The following MMRN1 variants were observed in gnomAD, a reference collection of about 807,000 sequenced individuals.
MMRN1 encodes the protein multimerin-1.
In MMRN1, 94 loss-of-function variants were observed where a neutral mutation model predicts 100.7. The observed-to-expected ratio is 0.93, with a 90% CI of 0.79 to 1.11. The LOEUF (loss-of-function observed/expected upper bound fraction) is 1.11, where lower values mean the gene tolerates loss of function less well. Among genes scored for constraint, MMRN1 ranks in the 50% least tolerant of loss-of-function variants. MMRN1 has a pLI of 0.00. For missense variants in MMRN1, 1,606 were observed against 1,439.1 expected, an observed-to-expected ratio of 1.12 and a Z score of -1.88; for synonymous variants, 575 against 505.0, an observed-to-expected ratio of 1.14 and a Z score of -1.86.
intron 5 of MMRN1, among the ~76,000 whole-genome samples, chr4:89,933,822 A>T (rs1001908592): frequency 6.6e-6 from 1 of 152,218 alleles, no homozygotes; most frequent in Admixed American, 6.5e-5. Flanking sequence ...GCCAAACCAT[A>T]TTAATTATAT....
intron 5 of MMRN1, among the ~76,000 whole-genome samples, chr4:89,931,131 GTAAAA>G: frequency 6.6e-6 from 1 of 152,044 alleles, no homozygotes; most frequent in Middle Eastern, 3.4e-3. Context: ...TTTATAAAAA[GTAAAA>G]TAAAATATCT....
intron 6 of MMRN1, among the ~76,000 whole-genome samples, chr4:89,938,476 C>A (rs1578498561): frequency 8.1e-6 from 1 of 123,598 alleles, no homozygotes; most frequent in Non-Finnish European, 1.7e-5. Context: ...ATTTTTTAAA[C>A]ATATATATAT....
In MMRN1 at chr4:89,935,133, C is replaced by T. The variant is rs1722565883; in HGVS notation, c.1453C>T (p.Gln485Ter). ...EKPIKELEVKQTHLEGALEQE... is the reference protein window; with the variant it reads ...EKPIKELEVK ...GCCTATTAAAGAACTAGAAGTAAAG[C>T]AGACTCATTTAGAAGGTGCTCTAGA... is the stretch of plus-strand genomic sequence containing the variant. The change falls in exon 6 of 8, where the codon CAG becomes TAG. Residue 485 changes from glutamine to a stop codon, truncating the protein, a stop_gained. Transcript: ENST00000264790. LOFTEE classifies it high-confidence loss of function. 1 of 1,613,442 alleles carries T rather than the reference C, an allele frequency of 6.2e-7. No individual in the cohort carries two copies. Among genetic ancestry groups the T allele is most frequent in the African/African-American group, 1.3e-5 (1 of 74,894 alleles).
chr4:89,934,975 A>C lies in MMRN1; in HGVS notation c.1295A>C (p.Glu432Ala), dbSNP rs753659787. 3 of 1,613,522 alleles carry C rather than the reference A, an allele frequency of 1.9e-6. No individual in the cohort carries two copies. The Admixed American group carries it at 5.0e-5, about 27-fold the overall frequency. ...AGGCAAATAATTCAAAAAGTTAATGAATCTGTGGTTTCAATAGCAGCCCAG... is the reference window on the plus strand; with the variant it reads ...AGGCAAATAATTCAAAAAGTTAATGCATCTGTGGTTTCAATAGCAGCCCAG... Reference protein sequence around the residue: ...STRQIIQKVNESVVSIAAQQK... With the variant: ...STRQIIQKVNASVVSIAAQQK... The change falls in exon 6 of 8, where the codon GAA (glutamate) becomes GCA (alanine). Residue 432 changes from glutamate to alanine, a missense_variant. Glu to Ala is a moderately radical substitution (Grantham distance 107). Transcript: ENST00000264790.
chr4:89,890,598 G>T (rs1354463384), upstream of MMRN1, among the ~76,000 whole-genome samples: 1 of 152,074 alleles, frequency 6.6e-6, no homozygotes, highest in Non-Finnish European at 1.5e-5. Flanking sequence ...TCCAGAAGTG[G>T]AAGTCACTAA....
At position 89,919,430 on chromosome 4, in the gene MMRN1, G is replaced by A. The variant is rs191114566; in HGVS notation, c.851-3738G>A. Among the ~76,000 whole-genome samples the A allele has an allele frequency of 2.0e-5, 3 of 151,660 alleles. 1 individual carries two copies. The highest frequency in any genetic ancestry group is 2.1e-4 in the South Asian group (1 of 4,824). On this transcript the variant is annotated intron_variant, in intron 3 of 7. Coordinates refer to ENST00000264790, the MANE Select transcript of MMRN1 (RefSeq NM_007351.3). ...TGAATGCCATTATGATGAAAAATGA[G>A]TCTAATAATTTTATTTCTATATTAT...
intron 6 of MMRN1, among the ~76,000 whole-genome samples, chr4:89,946,493 A>C (rs1722989523): frequency 6.6e-6 from 1 of 152,342 alleles, no homozygotes; most frequent in South Asian, 2.1e-4. Context: ...TAATAGAAAT[A>C]AATGTAAGAA....
At chr4:89,945,475 T>C (rs938266322) in intron 6 of MMRN1, among the ~76,000 whole-genome samples, 7 of 152,182 alleles carry the variant, frequency 4.6e-5, no homozygotes, top group Non-Finnish European at 8.8e-5. Flanking sequence ...TCCAAATTTT[T>C]GCCAGCACTT....
At chr4:89,903,668 C>T (rs572670757) in intron 1 of MMRN1, among the ~76,000 whole-genome samples, 1 of 151,840 alleles carries the variant, frequency 6.6e-6, no homozygotes, top group Admixed American at 6.6e-5. Flanking sequence ...TCACGACAAT[C>T]GTGTGAGGTA....
rs193102697 is a variant in MMRN1 at position 89,912,034 on chromosome 4, G to A, written c.834G>A (p.Pro278=). 4.7e-5 allele frequency: 75 copies of A among 1,593,986 alleles called. No individual in the cohort carries two copies. Among genetic ancestry groups the A allele is most frequent in the Non-Finnish European group, 6.0e-5 (70 of 1,168,126 alleles). ...DWRCCPGYSG[P]KCQLRAQEQQ... ...GGTGCTGTCCTGGATACAGTGGGCC[G>A]AAATGTCAACTAAGAGGTACACTCT... The change falls in exon 3 of 8, where the codon CCG becomes CCA. Residue 278 remains proline, a synonymous_variant. Transcript: ENST00000264790.
chr4:89,943,717 C>G (rs565770085), intron 6 of MMRN1, among the ~76,000 whole-genome samples: 1 of 152,064 alleles, frequency 6.6e-6, no homozygotes, highest in African/African-American at 2.4e-5. Flanking sequence ...AGGCTGGGAG[C>G]GGTGGCTCAC....
In MMRN1 at chr4:89,927,829, C is replaced by G; in HGVS notation, c.990C>G (p.Tyr330Ter). 6.2e-7 allele frequency: 1 copy of G among 1,611,850 alleles called. No homozygotes were observed. The highest frequency in any genetic ancestry group is 8.5e-7 in the Non-Finnish European group (1 of 1,179,080). Reference sequence around the variant, plus strand: ...AAAAAATGACTGATCAGGTGAACTACCAGGCAATGAAACTGACTCTTCTGC... The same window carrying G: ...AAAAAATGACTGATCAGGTGAACTAGCAGGCAATGAAACTGACTCTTCTGC... ...VMQKMTDQVN[Y>*]QAMKLTLLQK... The change falls in exon 5 of 8, where the codon TAC becomes TAG. Residue 330 changes from tyrosine (Y) to a stop codon, truncating the protein, a stop_gained. Coordinates refer to ENST00000264790, the MANE Select transcript of MMRN1 (RefSeq NM_007351.3). LOFTEE classifies it high-confidence loss of function.
upstream of MMRN1, among the ~76,000 whole-genome samples, chr4:89,892,873 A>G (rs528493836): frequency 9.9e-5 from 15 of 152,082 alleles, no homozygotes; most frequent in Non-Finnish European, 1.8e-4. Flanking sequence ...ACTGTAGAAG[A>G]AAACAAAAAA....
At chr4:89,940,487 G>A (rs1437856451) in intron 6 of MMRN1, among the ~76,000 whole-genome samples, 1 of 151,348 alleles carries the variant, frequency 6.6e-6, no homozygotes, top group Non-Finnish European at 1.5e-5. Context: ...AGGACCTAGT[G>A]AATATTTAAC....
chr4:89,912,977 T>C (rs943830675), intron 3 of MMRN1, among the ~76,000 whole-genome samples: 3 of 151,248 alleles, frequency 2.0e-5, no homozygotes, highest in Non-Finnish European at 4.4e-5. Flanking sequence ...AAAGATGTTA[T>C]AAAAATTCAA....
chr4:89,935,024 G>T lies in MMRN1; in HGVS notation c.1344G>T (p.Glu448Asp). Residue 448 changes from glutamate (E) to aspartate (D), a missense_variant, in exon 6 of 8, where the codon GAG becomes GAT. Coordinates refer to ENST00000264790, the MANE Select transcript of MMRN1 (RefSeq NM_007351.3). ...AGCAAAAGTTTGTTTTGGTGCAAGA[G>T]AATCGGCCCACTTTGACTGATATAG... ...AAQQKFVLVQ[E>D]NRPTLTDIVE... 6.2e-7 allele frequency: 1 copy of T among 1,613,066 alleles called. No individual in the cohort carries two copies. The highest frequency in any genetic ancestry group is 8.5e-7 in the Non-Finnish European group (1 of 1,179,604).
At chr4:89,894,817 G>A (rs920792035), upstream of MMRN1, 4 of 1,337,498 alleles carry the variant, frequency 3.0e-6, no homozygotes, top group Admixed American at 6.0e-5. Flanking sequence ...CGAACTTCCT[G>A]AGTACGCTAC....
At chr4:89,933,220 G>T (rs951162824) in intron 5 of MMRN1, among the ~76,000 whole-genome samples, 15 of 152,238 alleles carry the variant, frequency 9.9e-5, no homozygotes, top group Admixed American at 5.9e-4. Flanking sequence ...AATCACCTTT[G>T]CTCCAGTTCC....
At chr4:89,887,734 C>T (rs1461397077) in intron 1 of MMRN1, among the ~76,000 whole-genome samples, 1 of 151,902 alleles carries the variant, frequency 6.6e-6, no homozygotes, top group Non-Finnish European at 1.5e-5. Flanking sequence ...CATTTTACTT[C>T]TCACATATAA....
Sources: allele counts gnomAD v4.1 joint callset (sites outside exome capture counted in the v4.1 genomes callset), GRCh38; gene constraint gnomAD v4.1.1; transcripts MANE v1.5; gene names NCBI Gene and HGNC (gene_info 2026-07-23, HGNC 2026-07-21).